The following EEFSEC variants were observed in gnomAD, a reference collection of about 807,000 sequenced individuals.
The protein encoded by EEFSEC is selenocysteine-specific elongation factor.
A neutral mutation model predicts 42.1 loss-of-function variants in EEFSEC; 43 were observed. That is an observed-to-expected ratio of 1.02 (90% CI 0.80 to 1.32). The LOEUF (loss-of-function observed/expected upper bound fraction) is 1.32, where lower values mean the gene tolerates loss of function less well. Ranked by LOEUF, EEFSEC falls within the 40% of genes most tolerant of loss-of-function variation. The pLI is 0.00. For synonymous variants in EEFSEC, 354 were observed against 339.1 expected (o/e 1.04, Z -0.48); for missense variants, 745 against 803.6 (o/e 0.93, Z 0.88).
At chr3:128,322,034 C>T (rs1216430283) in intron 4 of EEFSEC, among the ~76,000 whole-genome samples, 1 of 152,254 alleles carries the variant, frequency 6.6e-6, no homozygotes, top group Non-Finnish European at 1.5e-5. Context: ...TCTCTGTCCC[C>T]TCACTGAGTT....
chr3:128,219,560 A>G (rs2065843073), intron 1 of EEFSEC, among the ~76,000 whole-genome samples: 1 of 152,124 alleles, frequency 6.6e-6, no homozygotes, highest in South Asian at 2.1e-4. Context: ...TACCCTTTTT[A>G]GAATAATATC....
intron 1 of EEFSEC, among the ~76,000 whole-genome samples, chr3:128,219,271 C>T (rs2065840427): frequency 6.6e-6 from 1 of 152,254 alleles, no homozygotes; most frequent in East Asian, 1.9e-4. Flanking sequence ...ATACATTGTC[C>T]ACACAGCACA....
chr3:128,358,451 C>A, intron 6 of EEFSEC, 78 bp downstream of exon 6: 2 of 1,556,174 alleles, frequency 1.3e-6, no homozygotes, highest in Admixed American at 1.8e-5. Flanking sequence ...GCCAAGGTGG[C>A]GCTCCTTGGC....
At chr3:128,237,108 T>TA (rs997995408) in intron 1 of EEFSEC, among the ~76,000 whole-genome samples, 31 of 152,226 alleles carry the variant, frequency 2.0e-4, no homozygotes, top group Non-Finnish European at 3.4e-4. Flanking sequence ...TCGCTCTTTT[T>TA]AAAAAATCCA....
intron 6 of EEFSEC, among the ~76,000 whole-genome samples, chr3:128,381,477 G>T (rs1433482966): frequency 6.6e-6 from 1 of 152,258 alleles, no homozygotes; most frequent in Non-Finnish European, 1.5e-5. Context: ...CATGAGGCAA[G>T]AACAGGCTTT....
At chr3:128,197,340 G>A (rs571619790) in intron 1 of EEFSEC, among the ~76,000 whole-genome samples, 2 of 152,198 alleles carry the variant, frequency 1.3e-5, no homozygotes, top group African/African-American at 4.8e-5. Context: ...GTGCGATCTC[G>A]GCTCACTGCA....
chr3:128,313,894 C>T (rs1265757961), intron 4 of EEFSEC, among the ~76,000 whole-genome samples: 1 of 152,242 alleles, frequency 6.6e-6, no homozygotes, highest in Non-Finnish European at 1.5e-5. Context: ...GTCTCTCCCT[C>T]CTAGGCAGCC....
intron 1 of EEFSEC, among the ~76,000 whole-genome samples, chr3:128,238,888 A>G (rs1203517243): frequency 6.6e-6 from 1 of 152,214 alleles, no homozygotes; most frequent in Non-Finnish European, 1.5e-5. Flanking sequence ...TGGAGTTCTT[A>G]AACTTCTTCT....
At chr3:128,342,322 C>T (rs1264978672) in intron 5 of EEFSEC, among the ~76,000 whole-genome samples, 1 of 152,364 alleles carries the variant, frequency 6.6e-6, no homozygotes, top group Middle Eastern at 3.4e-3. Flanking sequence ...TGGGATCTGC[C>T]CATGTGCCCC....
intron 1 of EEFSEC, among the ~76,000 whole-genome samples, chr3:128,176,596 T>C (rs1444236995): frequency 1.3e-5 from 2 of 152,206 alleles, no homozygotes; most frequent in African/African-American, 4.8e-5. Flanking sequence ...TCTCTTGAAA[T>C]AATTTATGCA....
chr3:128,417,166 T>G, the EEFSEC span, among the ~76,000 whole-genome samples: 8 of 152,132 alleles, frequency 5.3e-5, no homozygotes, highest in Admixed American at 1.3e-4. This position sits in a 1 kb window ranked among gnomAD's most constrained non-coding sequence, Gnocchi z 4.3. Context: ...CTCTGCCGGC[T>G]GCAGCCGGAG....
chr3:128,386,398 G>T (rs1204184941), intron 6 of EEFSEC, among the ~76,000 whole-genome samples: 2 of 152,090 alleles, frequency 1.3e-5, no homozygotes, highest in Non-Finnish European at 2.9e-5. Context: ...AAAGCAGGGT[G>T]TTCTGTCCAT....
At chr3:128,399,213 A>T (rs2068020067) in intron 6 of EEFSEC, among the ~76,000 whole-genome samples, 1 of 152,194 alleles carries the variant, frequency 6.6e-6, no homozygotes, top group Non-Finnish European at 1.5e-5. Context: ...ATGGTGCGGG[A>T]AAGATTTCTG....
intron 2 of EEFSEC, among the ~76,000 whole-genome samples, chr3:128,257,459 C>CT (rs1302609737): frequency 1.3e-5 from 2 of 152,180 alleles, no homozygotes; most frequent in African/African-American, 4.8e-5. Flanking sequence ...TCCAAGTCAC[C>CT]TTTCATCTAT....
intron 6 of EEFSEC, chr3:128,367,760 T>C: frequency 5.1e-6 from 5 of 985,400 alleles, no homozygotes; most frequent in Non-Finnish European, 6.0e-6. Flanking sequence ...TGCCTGGCCA[T>C]ATCACTGGCT....
intron 4 of EEFSEC, among the ~76,000 whole-genome samples, chr3:128,327,960 A>C (rs1286983827): frequency 6.6e-6 from 1 of 152,236 alleles, no homozygotes; most frequent in East Asian, 1.9e-4. Flanking sequence ...GCCCATGAGG[A>C]AGGAGCCAAA....
At chr3:128,251,061 A>G (rs988803814) in intron 2 of EEFSEC, among the ~76,000 whole-genome samples, 1 of 151,978 alleles carries the variant, frequency 6.6e-6, no homozygotes, top group African/African-American at 2.4e-5. Flanking sequence ...TTGCTGGTGG[A>G]TAGAAACACA....
chr3:128,405,254 G>A (rs2068095815), intron 6 of EEFSEC, among the ~76,000 whole-genome samples: 1 of 152,148 alleles, frequency 6.6e-6, no homozygotes, highest in South Asian at 2.1e-4. Flanking sequence ...CTGACCTCAT[G>A]ATCCACCCAC....
intron 4 of EEFSEC, among the ~76,000 whole-genome samples, chr3:128,288,396 G>A (rs1180566571): frequency 1.3e-5 from 2 of 152,124 alleles, no homozygotes; most frequent in South Asian, 2.1e-4. Flanking sequence ...CATATAAGTC[G>A]TATGTGCCAC....
Sources: gnomAD v4.1 joint callset for allele counts (sites outside exome capture counted in the v4.1 genomes callset) on GRCh38, gnomAD v4.1.1 for gene constraint, Gnocchi (gnomAD v3.1) non-coding constraint, MANE v1.5 for transcripts, NCBI Gene and HGNC (gene_info 2026-07-23, HGNC 2026-07-21) for gene names.